SLC8A1: variants seen among roughly 807,000 people sequenced by gnomAD.
SLC8A1 encodes solute carrier family 8 member A1.
SLC8A1 carries 18 observed loss-of-function variants against 68.3 expected under a neutral mutation model. That is an observed-to-expected ratio of 0.26 (90% CI 0.18 to 0.39). The LOEUF is 0.39. Among genes scored for constraint, SLC8A1 ranks in the 10% least tolerant of loss-of-function variants. The probability of loss-of-function intolerance (pLI) is 1.00; values close to 1 mark genes in which losing one functional copy is unlikely to be tolerated. For synonymous variants in SLC8A1, 475 were observed against 415.5 expected (o/e 1.14, Z -1.74); for missense variants, 985 against 1,156.7 (o/e 0.85, Z 2.15).
At chr2:40,165,298 G>A (rs544216631) in intron 4 of SLC8A1, among the ~76,000 whole-genome samples, 3 of 152,298 alleles carry the variant, frequency 2.0e-5, no homozygotes, top group South Asian at 2.1e-4. Context: ...AGGGAGTCAC[G>A]CAGCTATTCC....
chr2:40,115,657 A>G, intron 7 of SLC8A1, 28 bp from the exon 11 acceptor site: 1 of 1,586,962 alleles, frequency 6.3e-7, no homozygotes, highest in South Asian at 1.1e-5. Context: ...AAAGTCAATG[A>G]CACTCAATCT....
At chr2:40,375,880 T>C (rs1204075017) in intron 2 of SLC8A1, among the ~76,000 whole-genome samples, 2 of 152,038 alleles carry the variant, frequency 1.3e-5, no homozygotes, top group Non-Finnish European at 2.9e-5. Flanking sequence ...TGCACACCTG[T>C]AGTTTCAGCT....
intron 1 of SLC8A1, among the ~76,000 whole-genome samples, chr2:40,494,215 C>G (rs902332083): frequency 4.6e-5 from 7 of 152,054 alleles, no homozygotes; most frequent in African/African-American, 1.7e-4. Context: ...TTTCAGCTAC[C>G]TGGACATTAT....
chr2:40,145,151 T>C (rs1003607441), intron 6 of SLC8A1, among the ~76,000 whole-genome samples: 4 of 151,852 alleles, frequency 2.6e-5, no homozygotes, highest in Admixed American at 6.6e-5. Flanking sequence ...TTCAAACATA[T>C]ATATTTTCCA....
intron 7 of SLC8A1, among the ~76,000 whole-genome samples, chr2:40,120,405 G>A (rs952520061): frequency 3.3e-5 from 5 of 152,214 alleles, no homozygotes; most frequent in African/African-American, 1.2e-4. Context: ...AGTAGTGGAA[G>A]AAGCCTCATC....
intron 2 of SLC8A1, among the ~76,000 whole-genome samples, chr2:40,277,026 C>T (rs1166550137): frequency 2.0e-5 from 3 of 152,068 alleles, no homozygotes; most frequent in African/African-American, 7.2e-5. Flanking sequence ...AAAAATATGC[C>T]ATATGTAAAT....
chr2:40,381,563 C>T (rs1384640093), intron 2 of SLC8A1, among the ~76,000 whole-genome samples: 1 of 151,966 alleles, frequency 6.6e-6, no homozygotes, highest in Non-Finnish European at 1.5e-5. Context: ...CCCCATTCTT[C>T]CCATCTCCAT....
intron 1 of SLC8A1, among the ~76,000 whole-genome samples, chr2:40,470,475 C>T (rs1703935376): frequency 1.3e-5 from 2 of 151,718 alleles, no homozygotes; most frequent in Admixed American, 1.3e-4. Flanking sequence ...TTATTATAAC[C>T]ATGGAAACCC....
At chr2:40,463,860 A>G (rs1186233337) in intron 1 of SLC8A1, among the ~76,000 whole-genome samples, 1 of 145,622 alleles carries the variant, frequency 6.9e-6, no homozygotes. Context: ...ACACACACAC[A>G]CACACACACA....
At chr2:40,400,264 G>A (rs1302651677) in intron 2 of SLC8A1, among the ~76,000 whole-genome samples, 3 of 152,032 alleles carry the variant, frequency 2.0e-5, no homozygotes, top group Non-Finnish European at 2.9e-5. Flanking sequence ...GTCCTGCTAC[G>A]TAACAACTTG....
intron 7 of SLC8A1, among the ~76,000 whole-genome samples, chr2:40,122,617 C>T (rs12466767): frequency 0.34 from 52,421 of 151,946 alleles, 10,713 homozygotes; most frequent in Middle Eastern, 0.48. Flanking sequence ...TCTGCTTAAT[C>T]GGCCTGAGAT....
intron 2 of SLC8A1, among the ~76,000 whole-genome samples, chr2:40,328,589 A>T (rs879579813): frequency 9.9e-5 from 15 of 152,148 alleles, no homozygotes; most frequent in Non-Finnish European, 1.9e-4. Context: ...GTTCGCATAC[A>T]TACATTTTCC....
rs879850635 is a variant in SLC8A1, at chr2:40,148,496, A to T, written c.2162-8820T>A. Among the ~76,000 whole-genome samples the T allele has an allele frequency of 2.0e-5, 3 of 152,222 alleles. No homozygotes were observed. The East Asian group carries it at 5.8e-4, about 29-fold the overall frequency. ...AAAGTGGTGATGCAAATTGAGTAAC[A>T]GTCTAATGATGGCCTCGGTTTGCAC... On this transcript the variant is annotated intron_variant, in intron 6 of 7. Coordinates refer to ENST00000406785, the Ensembl canonical transcript of SLC8A1.
intron 2 of SLC8A1, among the ~76,000 whole-genome samples, chr2:40,319,496 T>C (rs2074921288): frequency 6.6e-6 from 1 of 152,108 alleles, no homozygotes; most frequent in Non-Finnish European, 1.5e-5. Flanking sequence ...TAGCACTGAA[T>C]TTCTCTCTAG....
chr2:40,274,827 C>T (rs932204820), intron 2 of SLC8A1, among the ~76,000 whole-genome samples: 17 of 152,288 alleles, frequency 1.1e-4, no homozygotes, highest in Non-Finnish European at 1.9e-4. Flanking sequence ...GTGGAGGCGG[C>T]TTGTCAGAAG....
At chr2:40,463,839 T>TACACACACACACACACACAC (rs761954909) in intron 1 of SLC8A1, among the ~76,000 whole-genome samples, 5 of 123,310 alleles carry the variant, frequency 4.1e-5, no homozygotes, top group African/African-American at 6.2e-5. Context: ...CACACACACA[T>TACACACACACACACACACAC]ACACACACAC....
Position 40,103,427 on chromosome 2 carries a change from A to G in SLC8A1, c.*11826T>C, listed in dbSNP as rs891427688. ...TTACTCCATGACAAGGGAGGCATTT[A>G]AAAGACAGTTGAATCTGTAGCAGAT... On this transcript the variant is annotated 3_prime_UTR_variant, in exon 8 of 8. Transcript: ENST00000406785. 2.6e-5 allele frequency: 4 copies of G among 152,186 alleles called. No homozygotes were observed. The South Asian group carries it at 8.3e-4, about 32-fold the overall frequency. The allele number at this position is 152,186 out of a possible 1,614,324, so 9.4% of individuals were successfully genotyped here.
chr2:40,422,374 G>A (rs1695757344), intron 2 of SLC8A1, among the ~76,000 whole-genome samples: 1 of 152,060 alleles, frequency 6.6e-6, no homozygotes, highest in African/African-American at 2.4e-5. Flanking sequence ...TTGCCTATAG[G>A]CAATTTTCCA....
At chr2:40,438,760 C>T (rs1342914716) in intron 1 of SLC8A1, among the ~76,000 whole-genome samples, 1 of 152,116 alleles carries the variant, frequency 6.6e-6, no homozygotes, top group Non-Finnish European at 1.5e-5. Context: ...ATGCAGTTAA[C>T]AGGGCCCTAT....
Sources: gnomAD v4.1 joint callset for allele counts (sites outside exome capture counted in the v4.1 genomes callset) on GRCh38, gnomAD v4.1.1 for gene constraint, MANE v1.5 for transcripts, NCBI Gene and HGNC (gene_info 2026-07-23, HGNC 2026-07-21) for gene names.